Variants in MAGI1 observed in about 807,000 individuals in gnomAD.
The protein encoded by MAGI1 is membrane associated guanylate kinase, WW and PDZ domain containing 1, also known as membrane-associated guanylate kinase, WW and PDZ domain-containing protein 1.
A neutral mutation model predicts 139.9 loss-of-function variants in MAGI1; 58 were observed. The observed-to-expected ratio is 0.41, with a 90% confidence interval of 0.34 to 0.52. The LOEUF (loss-of-function observed/expected upper bound fraction) is 0.52. Among genes scored for constraint, MAGI1 ranks in the 20% least tolerant of loss-of-function variants. The pLI is 0.12. For synonymous variants in MAGI1, 812 were observed against 737.9 expected (o/e 1.10, Z -1.63); for missense variants, 1,874 against 1,901.6 (o/e 0.99, Z 0.27).
At chr3:65,765,504 T>C (rs1234406458) in intron 1 of MAGI1, among the ~76,000 whole-genome samples, 2 of 152,188 alleles carry the variant, frequency 1.3e-5, no homozygotes, top group Non-Finnish European at 2.9e-5. Context: ...TTTTAAAACA[T>C]TGAAGTCATT....
rs568365921 is a variant in MAGI1 at position 65,906,810 on chromosome 3, C to T, written c.313+131186G>A. On this transcript the variant is annotated intron_variant, in intron 1 of 22. Coordinates refer to ENST00000402939, the MANE Select transcript of MAGI1 (RefSeq NM_001033057.2). ...CTGAGGTAAGAGAATTGCTTGAACC[C>T]AGGAGGTGGAGGTTGCAGTGAGCCA... Among the ~76,000 whole-genome samples, 271 of 151,292 alleles carry T rather than the reference C, an allele frequency of 1.8e-3. 2 individuals are homozygous for T. The highest frequency in any genetic ancestry group is 2.9e-3 in the Non-Finnish European group (199 of 67,902).
chr3:65,665,055 G>A (rs2086425247), intron 1 of MAGI1, among the ~76,000 whole-genome samples: 1 of 152,170 alleles, frequency 6.6e-6, no homozygotes, highest in South Asian at 2.1e-4. Context: ...TCTACCTGCT[G>A]AGGCAGAAGA....
intron 1 of MAGI1, among the ~76,000 whole-genome samples, chr3:65,800,319 G>T (rs1050960132): frequency 6.6e-6 from 1 of 152,194 alleles, no homozygotes; most frequent in Admixed American, 6.6e-5. Flanking sequence ...AGCAAGCAAA[G>T]TTTTAGGGGT....
intron 1 of MAGI1, among the ~76,000 whole-genome samples, chr3:65,824,957 A>G (rs2042143981): frequency 6.6e-6 from 1 of 152,232 alleles, no homozygotes; most frequent in Non-Finnish European, 1.5e-5. Flanking sequence ...CCCTGAAAGA[A>G]GCATGTCTGT....
intron 2 of MAGI1, among the ~76,000 whole-genome samples, chr3:65,509,544 G>A (rs1000661402): frequency 2.6e-5 from 4 of 152,172 alleles, no homozygotes; most frequent in African/African-American, 7.2e-5. Flanking sequence ...AAGGGGTGAC[G>A]GACGCACCTG....
chr3:65,457,200 T>A (rs894004654), intron 5 of MAGI1, among the ~76,000 whole-genome samples: 4 of 152,064 alleles, frequency 2.6e-5, no homozygotes, highest in Non-Finnish European at 5.9e-5. Context: ...CAAAATAAAA[T>A]AAAAATAAAA....
chr3:65,770,420 G>C (rs1200603570), intron 1 of MAGI1, among the ~76,000 whole-genome samples: 2 of 152,136 alleles, frequency 1.3e-5, no homozygotes, highest in Non-Finnish European at 2.9e-5. Context: ...GCCACGTGCA[G>C]GAAGAAACTG....
At chr3:65,588,177 G>A (rs2081785153) in intron 2 of MAGI1, among the ~76,000 whole-genome samples, 2 of 152,306 alleles carry the variant, frequency 1.3e-5, no homozygotes, top group South Asian at 4.1e-4. Flanking sequence ...AAAACGGGAA[G>A]CTGCCGGAAA....
intron 1 of MAGI1, among the ~76,000 whole-genome samples, chr3:65,855,634 A>ACGGGGGAGGAGAGAGGGGAGGGGAC (rs376422485): frequency 1.1e-4 from 10 of 94,360 alleles, no homozygotes; most frequent in Admixed American, 2.2e-4. Context: ...AGGGGAGGGG[A>ACGGGGGAGGAGAGAGGGGAGGGGAC]AGGGAGAAAC....
At chr3:65,639,983 C>T (rs141269525) in intron 1 of MAGI1, among the ~76,000 whole-genome samples, 1,437 of 134,134 alleles carry the variant, frequency 0.011, 18 homozygotes, top group Middle Eastern at 0.029. Flanking sequence ...GCGCAAAACT[C>T]CGTCTCAAAA....
intron 1 of MAGI1, among the ~76,000 whole-genome samples, chr3:65,673,544 T>C (rs1454887441): frequency 1.3e-5 from 2 of 152,180 alleles, no homozygotes; most frequent in East Asian, 3.9e-4. Context: ...CTACTCCAAT[T>C]TGAGAAAAAG....
chr3:65,977,809 A>T (rs995344504), intron 1 of MAGI1, among the ~76,000 whole-genome samples: 2 of 151,712 alleles, frequency 1.3e-5, no homozygotes, highest in Non-Finnish European at 2.9e-5. Context: ...CTTGAGCCAC[A>T]TTCATCTGCT....
intron 1 of MAGI1, among the ~76,000 whole-genome samples, chr3:65,690,691 G>A (rs1309690899): frequency 6.7e-6 from 1 of 148,270 alleles, no homozygotes; most frequent in Non-Finnish European, 1.5e-5. Context: ...TGTTGCCCAG[G>A]CTGGTTATGA....
chr3:65,768,096 T>C (rs1225981984), intron 1 of MAGI1, among the ~76,000 whole-genome samples: 1 of 152,220 alleles, frequency 6.6e-6, no homozygotes, highest in Non-Finnish European at 1.5e-5. Context: ...CTATTCCTAC[T>C]GGCAACCCTT....
At chr3:65,463,540 C>G (rs1352784057) in intron 5 of MAGI1, among the ~76,000 whole-genome samples, 1 of 147,178 alleles carries the variant, frequency 6.8e-6, no homozygotes, top group Non-Finnish European at 1.5e-5. Context: ...CGATGTTCAT[C>G]AGGGATATTG....
At chr3:65,533,881 C>G (rs1273560535) in intron 2 of MAGI1, among the ~76,000 whole-genome samples, 1 of 152,122 alleles carries the variant, frequency 6.6e-6, no homozygotes, top group Non-Finnish European at 1.5e-5. Flanking sequence ...TTCTCCACTA[C>G]TAGGTAAGAT....
intron 12 of MAGI1, among the ~76,000 whole-genome samples, chr3:65,405,119 C>A (rs1428513141): frequency 6.6e-6 from 1 of 152,070 alleles, no homozygotes; most frequent in African/African-American, 2.4e-5. Context: ...CTAAGGGATC[C>A]CAGAAAACTA....
chr3:65,468,865 G>C (rs1950354882), intron 5 of MAGI1, among the ~76,000 whole-genome samples: 1 of 151,702 alleles, frequency 6.6e-6, no homozygotes, highest in African/African-American at 2.4e-5. Context: ...AAGCCTGGGA[G>C]ATAGAGGCTG....
chr3:66,006,994 CTATTTATT>C (rs61207352), intron 1 of MAGI1, among the ~76,000 whole-genome samples: 16 of 151,128 alleles, frequency 1.1e-4, no homozygotes, highest in Non-Finnish European at 2.1e-4. Context: ...CCATGCCCAG[CTATTTATT>C]TATTTATTTA....
Sources: allele counts gnomAD v4.1 joint callset (sites outside exome capture counted in the v4.1 genomes callset), GRCh38; gene constraint gnomAD v4.1.1; transcripts MANE v1.5; gene names NCBI Gene and HGNC (gene_info 2026-07-23, HGNC 2026-07-21).